THSD7A: variants seen among roughly 807,000 people sequenced by gnomAD.
The protein encoded by THSD7A is thrombospondin type 1 domain containing 7A, also known as thrombospondin type-1 domain-containing protein 7A.
THSD7A carries 96 observed loss-of-function variants against 231.3 expected under a neutral mutation model. The observed-to-expected ratio is 0.41, with a 90% CI of 0.35 to 0.49. The LOEUF (loss-of-function observed/expected upper bound fraction) is 0.49, where lower values mean the gene tolerates loss of function less well. THSD7A is among the 20% of genes least tolerant of loss of function. The probability of loss-of-function intolerance (pLI) is 0.05; values close to 1 mark genes in which losing one functional copy is unlikely to be tolerated. For synonymous variants in THSD7A, 940 were observed against 743.3 expected (o/e 1.26, Z -4.30); for missense variants, 2,290 against 2,070.2 (o/e 1.11, Z -2.06).
At chr7:11,440,277 G>C (rs1784762247) in intron 13 of THSD7A, among the ~76,000 whole-genome samples, 1 of 152,044 alleles carries the variant, frequency 6.6e-6, no homozygotes, top group Non-Finnish European at 1.5e-5. Context: ...AACGCATGTA[G>C]TCATCTAAGA....
At chr7:11,554,772 G>C (rs1789775021) in intron 4 of THSD7A, among the ~76,000 whole-genome samples, 1 of 151,764 alleles carries the variant, frequency 6.6e-6, no homozygotes, top group Non-Finnish European at 1.5e-5. Context: ...TGCCTTTGTT[G>C]CCTCTTTTTT....
chr7:11,458,800 CACAG>C (rs1785398263), intron 11 of THSD7A, among the ~76,000 whole-genome samples: 1 of 152,132 alleles, frequency 6.6e-6, no homozygotes, highest in African/African-American at 2.4e-5. Flanking sequence ...TGCTGGTAAT[CACAG>C]ACAGAATAGT....
At chr7:11,518,719 T>C (rs1397753677) in intron 6 of THSD7A, among the ~76,000 whole-genome samples, 2 of 152,160 alleles carry the variant, frequency 1.3e-5, no homozygotes, top group African/African-American at 2.4e-5. Flanking sequence ...CTTGGTGCTC[T>C]GGAAAATTAA....
chr7:11,417,497 C>T lies in THSD7A; in HGVS notation c.3490G>A (p.Glu1164Lys), dbSNP rs779999180. 2 of 1,613,606 alleles carry T rather than the reference C, an allele frequency of 1.2e-6. No homozygotes were observed. The highest frequency in any genetic ancestry group is 2.2e-5 in the East Asian group (1 of 44,872). Residue 1164 changes from glutamate (E) to lysine (K), a missense_variant, in exon 17 of 28, where the codon GAG (glutamate) becomes AAG (lysine). Glu to Lys is a moderately conservative substitution (Grantham distance 56). Coordinates refer to ENST00000423059, the MANE Select transcript of THSD7A (RefSeq NM_015204.3). ...CCCCATTCAGATATCACACAGTCCT[C>T]AGGGCATGGTAATTTGCACACTCTA... is the stretch of plus-strand genomic sequence containing the variant. ...GSRVCKLPCP[E>K]DCVISEWGPW...
intron 2 of THSD7A, among the ~76,000 whole-genome samples, chr7:11,600,042 G>T (rs1780497222): frequency 6.6e-6 from 1 of 151,964 alleles, no homozygotes. Flanking sequence ...GACTCGGACT[G>T]GCTCTCCTAG....
intron 1 of THSD7A, among the ~76,000 whole-genome samples, chr7:11,722,751 G>T (rs927430205): frequency 6.6e-6 from 1 of 152,008 alleles, no homozygotes; most frequent in Non-Finnish European, 1.5e-5. Context: ...GGCCATCAGA[G>T]AAATGCAAAT....
chr7:11,660,329 C>G (rs191388119), intron 1 of THSD7A, among the ~76,000 whole-genome samples: 1 of 151,224 alleles, frequency 6.6e-6, no homozygotes, highest in African/African-American at 2.4e-5. Context: ...TATGCAATAA[C>G]AAAGCAAAGA....
intron 9 of THSD7A, among the ~76,000 whole-genome samples, chr7:11,468,607 G>C (rs190336287): frequency 8.3e-4 from 127 of 152,284 alleles, no homozygotes; most frequent in African/African-American, 2.8e-3. Context: ...GCTGAGATGG[G>C]TGGATCACTT....
intron 6 of THSD7A, among the ~76,000 whole-genome samples, chr7:11,514,623 G>GT (rs1219184356): frequency 6.6e-6 from 1 of 152,022 alleles, no homozygotes; most frequent in Non-Finnish European, 1.5e-5. Flanking sequence ...TTAAATAAGT[G>GT]TTTTTTGTCT....
intron 1 of THSD7A, among the ~76,000 whole-genome samples, chr7:11,771,406 G>C (rs1459392084): frequency 6.6e-6 from 1 of 151,870 alleles, no homozygotes; most frequent in Non-Finnish European, 1.5e-5. Context: ...TGAACACTAG[G>C]TATACATTTA....
At chr7:11,492,529 C>T (rs376597765) in intron 6 of THSD7A, among the ~76,000 whole-genome samples, 24 of 152,012 alleles carry the variant, frequency 1.6e-4, no homozygotes, top group African/African-American at 2.7e-4. Context: ...ATTTATCACA[C>T]GAAAACAAGC....
At chr7:11,557,287 T>C (rs1350142516) in intron 4 of THSD7A, among the ~76,000 whole-genome samples, 2 of 152,124 alleles carry the variant, frequency 1.3e-5, no homozygotes, top group Non-Finnish European at 2.9e-5. Flanking sequence ...ATATCTGTTA[T>C]TGCATTTTTC....
intron 1 of THSD7A, among the ~76,000 whole-genome samples, chr7:11,807,857 C>T (rs1784437521): frequency 6.6e-6 from 1 of 152,110 alleles, no homozygotes; most frequent in African/African-American, 2.4e-5. Context: ...TCCTGAAAAG[C>T]TAACTTTCTA....
chr7:11,603,680 A>G lies in THSD7A; in HGVS notation c.1023-10178T>C, dbSNP rs1382779466. 4.0e-5 allele frequency among the ~76,000 whole-genome samples: 6 copies of G among 151,668 alleles called. No homozygotes were observed. The East Asian group carries it at 9.7e-4, about 25-fold the overall frequency. Reference sequence around the variant, plus strand: ...TAAGAAAATGTGGCACATATACACCATGGAATACTATGCAGCCATAAAAAA... The same window carrying G: ...TAAGAAAATGTGGCACATATACACCGTGGAATACTATGCAGCCATAAAAAA... On this transcript the variant is annotated intron_variant, in intron 2 of 27. Transcript: ENST00000423059.
At chr7:11,816,817 T>A (rs1409802106) in intron 1 of THSD7A, among the ~76,000 whole-genome samples, 2 of 152,192 alleles carry the variant, frequency 1.3e-5, no homozygotes, top group Non-Finnish European at 2.9e-5. Context: ...GGTATAATTT[T>A]CTTAATATCA....
At chr7:11,772,550 A>C (rs80080030) in intron 1 of THSD7A, among the ~76,000 whole-genome samples, 5,312 of 152,328 alleles carry the variant, frequency 0.035, 108 homozygotes, top group East Asian at 0.11. Flanking sequence ...CCATAAAAAA[A>C]GAAATCATGT....
chr7:11,747,900 T>C (rs956633937), intron 1 of THSD7A, among the ~76,000 whole-genome samples: 4 of 151,876 alleles, frequency 2.6e-5, no homozygotes, highest in African/African-American at 7.2e-5. Flanking sequence ...GATATTAACA[T>C]AATAGGCCAC....
At chr7:11,462,232 C>G in intron 9 of THSD7A, 89 bp from the exon 10 acceptor site, 1 of 1,420,970 alleles carries the variant, frequency 7.0e-7, no homozygotes, top group Non-Finnish European at 9.5e-7. Context: ...TACATTGCCT[C>G]CAGCTACATG....
At chr7:11,651,232 TCA>T (rs1782487941) in intron 1 of THSD7A, among the ~76,000 whole-genome samples, 1 of 151,884 alleles carries the variant, frequency 6.6e-6, no homozygotes, top group Non-Finnish European at 1.5e-5. Context: ...CCTAGAATGG[TCA>T]AATTCATAGA....
Sources: gnomAD v4.1 joint callset for allele counts (sites outside exome capture counted in the v4.1 genomes callset) on GRCh38, gnomAD v4.1.1 for gene constraint, MANE v1.5 for transcripts, NCBI Gene and HGNC (gene_info 2026-07-23, HGNC 2026-07-21) for gene names.